The following NLGN1 variants were observed in gnomAD, a reference collection of about 807,000 sequenced individuals.
NLGN1 encodes the protein neuroligin-1.
NLGN1 carries 12 observed loss-of-function variants against 65.5 expected under a neutral mutation model. The ratio of observed to expected loss-of-function variants is 0.18; its 90% CI spans 0.12 to 0.30. NLGN1 has a LOEUF of 0.30. Among genes scored for constraint, NLGN1 ranks in the 10% least tolerant of loss-of-function variants. The pLI, the probability that NLGN1 is intolerant of heterozygous loss-of-function variation, is 1.00. For synonymous variants in NLGN1, 350 were observed against 359.5 expected, an observed-to-expected ratio of 0.97 and a Z score of 0.30; for missense variants, 750 against 1,007.1, an observed-to-expected ratio of 0.74 and a Z score of 3.46.
intron 4 of NLGN1, among the ~76,000 whole-genome samples, chr3:174,044,408 C>T (rs144742013): frequency 2.0e-5 from 3 of 151,664 alleles, no homozygotes; most frequent in Admixed American, 2.0e-4. Flanking sequence ...TCTGCTTCCT[C>T]TTGAATGCTT....
At chr3:173,752,449 A>G (rs1460660837) in intron 3 of NLGN1, among the ~76,000 whole-genome samples, 2 of 151,902 alleles carry the variant, frequency 1.3e-5, no homozygotes, top group African/African-American at 2.4e-5. Context: ...CTTTTTTCCC[A>G]GCTCACCCTC....
intron 4 of NLGN1, among the ~76,000 whole-genome samples, chr3:173,906,917 C>T (rs925593748): frequency 1.0e-4 from 15 of 149,264 alleles, no homozygotes; most frequent in African/African-American, 3.4e-4. Flanking sequence ...GTCCACGTTA[C>T]TGAGGCTCTC....
intron 4 of NLGN1, among the ~76,000 whole-genome samples, chr3:174,022,665 A>C (rs947675201): frequency 6.6e-6 from 1 of 152,110 alleles, no homozygotes; most frequent in African/African-American, 2.4e-5. Flanking sequence ...AGTCAGAATG[A>C]CTATTTTGGG....
chr3:173,499,145 A>G (rs1321043677), intron 2 of NLGN1, among the ~76,000 whole-genome samples: 3 of 151,566 alleles, frequency 2.0e-5, no homozygotes, highest in Non-Finnish European at 4.4e-5. Context: ...TATGTCCTGA[A>G]TGGTATTGCC....
At chr3:174,085,143 G>A (rs929639496) in intron 4 of NLGN1, among the ~76,000 whole-genome samples, 10 of 151,874 alleles carry the variant, frequency 6.6e-5, no homozygotes, top group African/African-American at 2.2e-4. Flanking sequence ...GATAGATAAT[G>A]TGATAAAGCA....
chr3:174,089,845 G>A (rs1744156072), intron 4 of NLGN1, among the ~76,000 whole-genome samples: 4 of 151,740 alleles, frequency 2.6e-5, no homozygotes. Flanking sequence ...AATGCATTCA[G>A]AGGGCAGAGT....
At chr3:173,611,585 G>C (rs1329418145) in intron 3 of NLGN1, among the ~76,000 whole-genome samples, 1 of 152,016 alleles carries the variant, frequency 6.6e-6, no homozygotes, top group East Asian at 1.9e-4. Context: ...CAGAGATTTG[G>C]CTTCATATTT....
At chr3:173,802,574 T>C (rs1314567907) in intron 3 of NLGN1, among the ~76,000 whole-genome samples, 2 of 152,234 alleles carry the variant, frequency 1.3e-5, no homozygotes, top group African/African-American at 4.8e-5. Flanking sequence ...ATTTTGTAGA[T>C]GTGACTGTGA....
At chr3:174,074,332 C>T (rs1194055694) in intron 4 of NLGN1, among the ~76,000 whole-genome samples, 1 of 152,106 alleles carries the variant, frequency 6.6e-6, no homozygotes, top group Non-Finnish European at 1.5e-5. Flanking sequence ...TATGGTTAAG[C>T]TTCTGTGGTT....
At chr3:174,078,491 G>T (rs1741472181) in intron 4 of NLGN1, among the ~76,000 whole-genome samples, 1 of 152,084 alleles carries the variant, frequency 6.6e-6, no homozygotes, top group Non-Finnish European at 1.5e-5. Flanking sequence ...TCCTATTTAT[G>T]TGTGTATAGG....
chr3:173,941,643 G>C (rs1746111883), intron 4 of NLGN1, among the ~76,000 whole-genome samples: 1 of 151,874 alleles, frequency 6.6e-6, no homozygotes, highest in African/African-American at 2.4e-5. Context: ...TAGGTGGATG[G>C]AGACTGAGAT....
In NLGN1 at chr3:173,502,922, T is replaced by C. The variant is rs897504916; in HGVS notation, c.-321+67844T>C. ...CTTATATTTGAATTGCTGTTCACTG[T>C]AGTTACATAAACTAAAGTTGAATTA... is the stretch of plus-strand genomic sequence containing the variant. On this transcript the variant is annotated intron_variant, in intron 2 of 6. Transcript: ENST00000457714. Among the ~76,000 whole-genome samples the C allele has an allele frequency of 5.3e-5, 8 of 152,140 alleles. No individual in the cohort carries two copies. The East Asian group carries it at 5.8e-4, about 11-fold the overall frequency.
At chr3:174,277,964 A>AT (rs1192155213) in intron 5 of NLGN1, among the ~76,000 whole-genome samples, 1 of 151,976 alleles carries the variant, frequency 6.6e-6, no homozygotes, top group Non-Finnish European at 1.5e-5. Context: ...TAAAACAGGA[A>AT]TTTTATCCGA....
rs979540325 is a variant in NLGN1 at position 173,965,613 on chromosome 3, C to T, written c.646+157781C>T. Among the ~76,000 whole-genome samples, 9 of 152,086 alleles carry T rather than the reference C, an allele frequency of 5.9e-5. No homozygotes were observed. In the South Asian group the frequency reaches 1.0e-3, roughly 18 times the overall value. ...GATTACAGACGTGAGCCACCCAACG[C>T]GCTGGCCCATTCCTAAAACATTTAT... On this transcript the variant is annotated intron_variant, in intron 4 of 6. Coordinates refer to ENST00000457714, the Ensembl canonical transcript of NLGN1.
intron 3 of NLGN1, among the ~76,000 whole-genome samples, chr3:173,696,433 C>T (rs1430170608): frequency 6.6e-6 from 1 of 152,030 alleles, no homozygotes; most frequent in Non-Finnish European, 1.5e-5. Context: ...TTTCTCAGCT[C>T]CAGTTTTCTA....
chr3:173,527,507 C>T (rs934907417), intron 2 of NLGN1, among the ~76,000 whole-genome samples: 1 of 152,178 alleles, frequency 6.6e-6, no homozygotes, highest in East Asian at 1.9e-4. Flanking sequence ...ACACCATTCT[C>T]CTGCCTCAGC....
intron 2 of NLGN1, among the ~76,000 whole-genome samples, chr3:173,441,786 A>G (rs1186742931): frequency 6.6e-6 from 1 of 152,172 alleles, no homozygotes; most frequent in Non-Finnish European, 1.5e-5. Flanking sequence ...ACACCAATCA[A>G]TTTGGCTAAT....
intron 4 of NLGN1, among the ~76,000 whole-genome samples, chr3:174,062,086 A>T (rs1331583647): frequency 6.6e-6 from 1 of 152,126 alleles, no homozygotes. Flanking sequence ...TTTTCTGTAG[A>T]AGGATAAAAG....
At chr3:173,980,012 T>C (rs547393713) in intron 4 of NLGN1, among the ~76,000 whole-genome samples, 2 of 152,100 alleles carry the variant, frequency 1.3e-5, no homozygotes, top group Non-Finnish European at 2.9e-5. Flanking sequence ...TCTTCTGGAT[T>C]GAAACATGAC....
Sources: gnomAD v4.1 joint callset for allele counts (sites outside exome capture counted in the v4.1 genomes callset) on GRCh38, gnomAD v4.1.1 for gene constraint, MANE v1.5 for transcripts, NCBI Gene and HGNC (gene_info 2026-07-23, HGNC 2026-07-21) for gene names.